SLC4A10: variants seen among roughly 807,000 people sequenced by gnomAD.
SLC4A10 encodes the protein solute carrier family 4 member 10.
In SLC4A10, 42 loss-of-function variants were observed where a neutral mutation model predicts 137.7. The ratio of observed to expected loss-of-function variants is 0.30; its 90% CI spans 0.24 to 0.39. The LOEUF (loss-of-function observed/expected upper bound fraction) is 0.39. Among genes scored for constraint, SLC4A10 ranks in the 10% least tolerant of loss-of-function variants. SLC4A10 has a pLI of 1.00. For synonymous variants in SLC4A10, 474 were observed against 464.1 expected (o/e 1.02, Z -0.27); for missense variants, 925 against 1,355.0 (o/e 0.68, Z 4.98).
At chr2:161,859,594 C>CT (rs72003642) in intron 5 of SLC4A10, among the ~76,000 whole-genome samples, 2,232 of 47,220 alleles carry the variant, frequency 0.047, 165 homozygotes, top group African/African-American at 0.092. Context: ...CTTTTCTTTT[C>CT]TTTTTTTTTT....
rs1225316385 is a variant in SLC4A10, at chr2:161,874,006, G to T, written c.948+1G>T. 3.2e-6 allele frequency: 5 copies of T among 1,586,766 alleles called. No individual in the cohort carries two copies. The South Asian group carries it at 4.5e-5, about 14-fold the overall frequency. ...ACCTCCACACCAGCAAGAGAGAGAG[G>T]TGAGGGCATACTCGGGCTCTATTTC... On this transcript the variant is annotated splice_donor_variant, in intron 8 of 26. Transcript: ENST00000446997. LOFTEE classifies it high-confidence loss of function.
rs1428533752 is a variant in SLC4A10, at chr2:161,697,087, G to C, written c.48+72521G>C. Among the ~76,000 whole-genome samples, 22 of 152,138 alleles carry C rather than the reference G, an allele frequency of 1.4e-4. 1 individual carries two copies. Among genetic ancestry groups the C allele is most frequent in the Non-Finnish European group, 1.5e-5 (1 of 68,026 alleles). On this transcript the variant is annotated intron_variant, in intron 1 of 26. Transcript: ENST00000446997. ...ATGAGCATTTTTTCATGTGTCTTTT[G>C]GCTGCATAGATGTCTTCTTTTGAGA... is the stretch of plus-strand genomic sequence containing the variant.
chr2:161,947,688 C>T lies in SLC4A10; in HGVS notation c.2226C>T (p.Thr742=), dbSNP rs141829716. 2.8e-4 allele frequency: 446 copies of T among 1,613,048 alleles called. 1 individual carries two copies. In the African/African-American group the frequency reaches 5.6e-3, roughly 20 times the overall value. ...TTTCCACAGTTACTCTGTCAGCCAC[C>T]CTGAAGCAGTTCAAGACTAGCAGAT... ...LFFSTVTLSA[T]LKQFKTSRYF... is the part of the protein sequence containing the mutation. The change falls in exon 17 of 27, where the codon ACC becomes ACT. Residue 742 remains threonine (T), a synonymous_variant. Coordinates refer to ENST00000446997, the MANE Select transcript of SLC4A10 (RefSeq NM_001178015.2).
chr2:161,739,342 T>G (rs760436939), intron 1 of SLC4A10, among the ~76,000 whole-genome samples: 1 of 152,138 alleles, frequency 6.6e-6, no homozygotes, highest in Non-Finnish European at 1.5e-5. Context: ...CTTTCATGCT[T>G]TTATCGCCTC....
At chr2:161,900,536 A>G (rs908603981) in intron 11 of SLC4A10, among the ~76,000 whole-genome samples, 6 of 152,000 alleles carry the variant, frequency 3.9e-5, no homozygotes, top group Non-Finnish European at 7.4e-5. Flanking sequence ...ACCTGATATT[A>G]TAAGGTTATT....
intron 1 of SLC4A10, among the ~76,000 whole-genome samples, chr2:161,649,098 G>A (rs1433554215): frequency 2.0e-5 from 3 of 152,212 alleles, no homozygotes; most frequent in Admixed American, 2.0e-4. Context: ...GCCAGGAACA[G>A]TGGCTCACGC....
At chr2:161,727,219 T>C (rs1385896630) in intron 1 of SLC4A10, among the ~76,000 whole-genome samples, 1 of 152,204 alleles carries the variant, frequency 6.6e-6, no homozygotes, top group African/African-American at 2.4e-5. Flanking sequence ...GGCCTTCAGT[T>C]ACCAGGCAGG....
intron 16 of SLC4A10, among the ~76,000 whole-genome samples, chr2:161,946,175 TA>T (rs1301638906): frequency 6.6e-6 from 1 of 152,022 alleles, no homozygotes; most frequent in Non-Finnish European, 1.5e-5. Flanking sequence ...TGCTCTGTAT[TA>T]GCTTAACATG....
intron 2 of SLC4A10, among the ~76,000 whole-genome samples, chr2:161,784,897 A>G (rs1275754296): frequency 2.0e-5 from 3 of 151,546 alleles, no homozygotes; most frequent in Non-Finnish European, 4.4e-5. Flanking sequence ...ACTAGCAAAG[A>G]TCAGAGCAGA....
chr2:161,933,526 A>C (rs1447162013), intron 15 of SLC4A10, among the ~76,000 whole-genome samples: 51 of 151,846 alleles, frequency 3.4e-4, no homozygotes, highest in Admixed American at 3.4e-3. Flanking sequence ...CCGAGTAACT[A>C]GGACAACATG....
rs372553376 is a variant in SLC4A10 at position 161,873,503 on chromosome 2, C to A, written c.859-413C>A. Among the ~76,000 whole-genome samples, 10 of 133,292 alleles carry A rather than the reference C, an allele frequency of 7.5e-5. No homozygotes were observed. The East Asian group carries it at 2.3e-3, about 31-fold the overall frequency. 87.4% of individuals were successfully genotyped at this position (133,292 alleles called of 152,430 possible). A position where few individuals can be genotyped will look rare whatever the true frequency, so the allele number is the denominator to read the frequency against. On this transcript the variant is annotated intron_variant, in intron 7 of 26. Transcript: ENST00000446997. ...CTGAGGTCGTGTCACTGCACTCCAG[C>A]CTGGGTGACAGAGTGAGACCACATC...
At position 161,862,884 on chromosome 2, in the gene SLC4A10, T is replaced by G. The variant is rs759336076; in HGVS notation, c.588T>G (p.Leu196=). ...GCCTTTTCTCTTCAGATATGGTTCT[T>G]GACCAACAAGTGAGCTCAGGTCAGC... ...NTLEEIADMV[L]DQQVSSGQLN... is the part of the protein sequence containing the mutation. The change falls in exon 6 of 27, where the codon CTT becomes CTG. Residue 196 remains leucine, a synonymous_variant. Coordinates refer to ENST00000446997, the MANE Select transcript of SLC4A10 (RefSeq NM_001178015.2). 2 of 1,601,106 alleles carry G rather than the reference T, an allele frequency of 1.2e-6. No homozygotes were observed. Among genetic ancestry groups the G allele is most frequent in the African/African-American group, 2.7e-5 (2 of 74,646 alleles).
At chr2:161,963,314 T>C (rs1697039622) in intron 21 of SLC4A10, among the ~76,000 whole-genome samples, 2 of 152,172 alleles carry the variant, frequency 1.3e-5, no homozygotes, top group African/African-American at 2.4e-5. Flanking sequence ...TGTAATACTA[T>C]GTACTATCTT....
intron 1 of SLC4A10, among the ~76,000 whole-genome samples, chr2:161,715,492 C>G (rs2044755579): frequency 6.6e-6 from 1 of 152,144 alleles, no homozygotes; most frequent in East Asian, 1.9e-4. Context: ...CTTATGCTCT[C>G]CCTCTTCTCA....
chr2:161,675,769 ATAGT>A (rs1310449622), intron 1 of SLC4A10, among the ~76,000 whole-genome samples: 2 of 152,106 alleles, frequency 1.3e-5, no homozygotes, highest in African/African-American at 4.8e-5. Context: ...TCATTTATAA[ATAGT>A]TATTTTTCTT....
chr2:161,780,565 G>C (rs2052886034), intron 2 of SLC4A10, among the ~76,000 whole-genome samples: 1 of 151,900 alleles, frequency 6.6e-6, no homozygotes, highest in Non-Finnish European at 1.5e-5. Context: ...TTGAAATTAA[G>C]TCGAATTATT....
chr2:161,695,454 G>A (rs897927779), intron 1 of SLC4A10, among the ~76,000 whole-genome samples: 5 of 152,020 alleles, frequency 3.3e-5, no homozygotes, highest in South Asian at 4.1e-4. Flanking sequence ...CAGGAGGTAC[G>A]ATTTTAGAGA....
At chr2:161,895,362 G>T (rs974602149) in intron 11 of SLC4A10, among the ~76,000 whole-genome samples, 3 of 151,940 alleles carry the variant, frequency 2.0e-5, no homozygotes, top group Non-Finnish European at 2.9e-5. Context: ...GAATAGTGCC[G>T]CAATAAACAT....
At chr2:161,970,377 C>T (rs904402374) in intron 23 of SLC4A10, among the ~76,000 whole-genome samples, 5 of 152,056 alleles carry the variant, frequency 3.3e-5, no homozygotes, top group African/African-American at 9.7e-5. Context: ...ATAAAAATAA[C>T]ACTTATGGTT....
Sources: allele counts gnomAD v4.1 joint callset (sites outside exome capture counted in the v4.1 genomes callset), GRCh38; gene constraint gnomAD v4.1.1; transcripts MANE v1.5; gene names NCBI Gene and HGNC (gene_info 2026-07-23, HGNC 2026-07-21).